KNL1: variants seen among roughly 807,000 people sequenced by gnomAD.
The protein encoded by KNL1 is outer kinetochore KNL1 complex subunit KNL1.
A neutral mutation model predicts 201.3 loss-of-function variants in KNL1; 66 were observed. The observed-to-expected ratio is 0.33, with a 90% CI of 0.27 to 0.40. The LOEUF is 0.40. Among genes scored for constraint, KNL1 ranks in the 10% least tolerant of loss-of-function variants. The pLI is 1.00. For synonymous variants in KNL1, 895 were observed against 899.2 expected (o/e 1.00, Z 0.08); for missense variants, 2,815 against 2,690.5 (o/e 1.05, Z -1.02).
chr15:40,654,853 AGT>A, intron 21 of KNL1, 54 bp from the exon 22 acceptor site: 1 of 1,335,090 alleles, frequency 7.5e-7, no homozygotes, highest in Non-Finnish European at 1.1e-6. Flanking sequence ...TGGGAGACAA[AGT>A]GAGACTCTCT....
chr15:40,651,652 AT>A, intron 20 of KNL1, 80 bp downstream of exon 20: 1 of 953,520 alleles, frequency 1.0e-6, no homozygotes, highest in Non-Finnish European at 1.6e-6. Flanking sequence ...CAATTGATGT[AT>A]TTTTAATGTG....
intron 14 of KNL1, 37 bp downstream of exon 14, chr15:40,641,064 G>T (rs200845429): frequency 2.5e-5 from 34 of 1,351,998 alleles, no homozygotes; most frequent in Non-Finnish European, 3.2e-5. Flanking sequence ...GTTTTTTTGA[G>T]GGGAGGGATC....
intron 4 of KNL1, among the ~76,000 whole-genome samples, chr15:40,608,435 A>G (rs1256691579): frequency 5.2e-5 from 7 of 135,198 alleles, no homozygotes; most frequent in African/African-American, 2.3e-4. Flanking sequence ...CCGTCTTGGA[A>G]AAAAAAAAAA....
chr15:40,612,075 A>C (rs1032579683), intron 7 of KNL1, among the ~76,000 whole-genome samples: 2 of 152,000 alleles, frequency 1.3e-5, no homozygotes, highest in Non-Finnish European at 2.9e-5. Flanking sequence ...CCAAGCACTT[A>C]GGGAGGCTGA....
chr15:40,607,198 CCTTT>C (rs1892004427), intron 4 of KNL1, among the ~76,000 whole-genome samples: 1 of 152,206 alleles, frequency 6.6e-6, no homozygotes, highest in Non-Finnish European at 1.5e-5. Flanking sequence ...TCGTGCTGGG[CCTTT>C]CTTTTTTCAT....
At chr15:40,598,452 G>T (rs759049771) in intron 1 of KNL1, among the ~76,000 whole-genome samples, 2 of 152,040 alleles carry the variant, frequency 1.3e-5, no homozygotes, top group African/African-American at 2.4e-5. Context: ...GCAGGTGCCT[G>T]TAACCCCAGC....
Position 40,659,366 on chromosome 15 carries a change from A to C in KNL1, c.6741A>C (p.Ala2247=). ...NELRLLFSSS[A]AFAKFEITLF... ...TGAGACTTTTATTCTCTAGCTCCGCAGCATTTGCAAAGTTTGAAATAACTT... is the reference window on the plus strand; with the variant it reads ...TGAGACTTTTATTCTCTAGCTCCGCCGCATTTGCAAAGTTTGAAATAACTT... The change falls in exon 25 of 26, where the codon GCA becomes GCC. Residue 2247 remains alanine, a synonymous_variant. Coordinates refer to ENST00000399668, the MANE Select transcript of KNL1 (RefSeq NM_144508.5). 1 of 1,613,090 alleles carries C rather than the reference A, an allele frequency of 6.2e-7. No individual in the cohort carries two copies. Among genetic ancestry groups the C allele is most frequent in the Non-Finnish European group, 8.5e-7 (1 of 1,179,148 alleles).
rs535973831 is a variant in KNL1, at chr15:40,621,941, G to C, written c.1677G>C (p.Leu559Phe). 166 of 1,613,592 alleles carry C rather than the reference G, an allele frequency of 1.0e-4. 3 individuals are homozygous for C. In the South Asian group the frequency reaches 1.7e-3, roughly 16 times the overall value. The change falls in exon 10 of 26, where the codon TTG (leucine) becomes TTC (phenylalanine). Residue 559 changes from leucine (L) to phenylalanine (F), a missense_variant. Around this residue, in one of 3 missense-constraint regions of KNL1, gnomAD observed 2,464 missense variants for 2,291.7 expected, o/e 1.08. Transcript: ENST00000399668. Reference protein sequence around the residue: ...QSLSNPLSISLTDRKTELLSG... With the variant: ...QSLSNPLSISFTDRKTELLSG... Reference sequence around the variant, plus strand: ...TGTCAAATCCTTTGTCTATTTCATTGACTGATAGAAAGACTGAACTCTTAT... The same window carrying C: ...TGTCAAATCCTTTGTCTATTTCATTCACTGATAGAAAGACTGAACTCTTAT...
intron 9 of KNL1, 46 bp downstream of exon 9, chr15:40,619,057 G>T: frequency 1.6e-6 from 2 of 1,256,676 alleles, no homozygotes; most frequent in Non-Finnish European, 1.2e-6. Context: ...TCATTTGATT[G>T]TTAAAACAGA....
Position 40,624,712 on chromosome 15 carries a change from C to A in KNL1, c.4448C>A (p.Ala1483Glu), listed in dbSNP as rs1892679369. The A allele has an allele frequency of 6.2e-7, 1 of 1,613,078 alleles. No homozygotes were observed. The highest frequency in any genetic ancestry group is 1.7e-5 in the Admixed American group (1 of 59,838). The change falls in exon 10 of 26, where the codon GCA (alanine) becomes GAA (glutamate). Residue 1483 changes from alanine (A) to glutamate (E), a missense_variant. Ala to Glu is a moderately radical substitution (Grantham distance 107, BLOSUM62 -1). Around this residue, in one of 3 missense-constraint regions of KNL1, gnomAD observed 2,464 missense variants for 2,291.7 expected, o/e 1.08. Transcript: ENST00000399668. ...TTAAATATTATAGAAAATTCCTCTGCACCCATATGTGAAAACAAGCCCAAA... is the reference window on the plus strand; with the variant it reads ...TTAAATATTATAGAAAATTCCTCTGAACCCATATGTGAAAACAAGCCCAAA... ...KSLNIIENSS[A>E]PICENKPKIL...
At chr15:40,599,330 AGTTTT>A (rs1267152698) in intron 1 of KNL1, among the ~76,000 whole-genome samples, 3 of 148,280 alleles carry the variant, frequency 2.0e-5, no homozygotes, top group Non-Finnish European at 4.5e-5. Context: ...AAAAAAAAAA[AGTTTT>A]GTTTTGTTTT....
At position 40,622,004 on chromosome 15, in the gene KNL1, T is replaced by C. The variant is rs778314757; in HGVS notation, c.1740T>C (p.Ser580=). Residue 580 remains serine (S), a synonymous_variant, in exon 10 of 26, where the codon AGT becomes AGC. Coordinates refer to ENST00000399668, the MANE Select transcript of KNL1 (RefSeq NM_144508.5). ...ENMDLTESHT[S]NLGSQVPLAA... ...TGGATTTGACTGAAAGTCACACAAG[T>C]AACTTAGGAAGTCAGGTTCCTCTTG... 6.2e-7 allele frequency: 1 copy of C among 1,614,066 alleles called. No individual in the cohort carries two copies.
intron 17 of KNL1, among the ~76,000 whole-genome samples, chr15:40,649,767 T>A (rs751326079): frequency 2.0e-5 from 3 of 152,198 alleles, no homozygotes; most frequent in Non-Finnish European, 2.9e-5. Flanking sequence ...ACTAGCCTGA[T>A]CATTTCTACT....
At chr15:40,644,914 C>T (rs576913455) in intron 14 of KNL1, 83 bp from the exon 15 acceptor site, 28 of 780,966 alleles carry the variant, frequency 3.6e-5, no homozygotes, top group African/African-American at 1.2e-4. Flanking sequence ...GAGTCTCTTA[C>T]GTCTTTCCTT....
chr15:40,639,102 T>C (rs1231962050), intron 13 of KNL1, among the ~76,000 whole-genome samples: 1 of 152,000 alleles, frequency 6.6e-6, no homozygotes, highest in African/African-American at 2.4e-5. Context: ...CTGCCATTTC[T>C]TTTTTAACCA....
chr15:40,610,779 T>A (rs1892128846), intron 6 of KNL1: 1 of 455,504 alleles, frequency 2.2e-6, no homozygotes, highest in African/African-American at 2.0e-5. Flanking sequence ...TTGAGACGGA[T>A]TTTCACTGTT....
intron 2 of KNL1, among the ~76,000 whole-genome samples, chr15:40,603,394 A>G (rs1236570137): frequency 6.6e-6 from 1 of 152,178 alleles, no homozygotes; most frequent in Non-Finnish European, 1.5e-5. Flanking sequence ...AGCTTCATCC[A>G]TGTCCCTACA....
chr15:40,629,495 CTTTTTT>C (rs386382806), intron 13 of KNL1, 124 bp downstream of exon 13: 11 of 178,744 alleles, frequency 6.2e-5, no homozygotes, highest in South Asian at 1.2e-4. Context: ...TTTGCCTTTT[CTTTTTT>C]TTTTTTTTTT....
rs1892806280 is a variant in KNL1, at chr15:40,628,151, A to C, written c.5458A>C (p.Ser1820Arg). 6.2e-7 allele frequency: 1 copy of C among 1,613,306 alleles called. No individual in the cohort carries two copies. Among genetic ancestry groups the C allele is most frequent in the Admixed American group, 1.7e-5 (1 of 59,840 alleles). The change falls in exon 11 of 26, where the codon AGT becomes CGT. Residue 1820 changes from serine to arginine, a missense_variant. Transcript: ENST00000399668. ...AAAAAACCTGAGCAGGACCCCATCT[A>C]GTTGCAGCAGCTCTCTGGATTCAAT... ...LIKNLSRTPSSCSSSLDSIKA... is the reference protein window; with the variant it reads ...LIKNLSRTPSRCSSSLDSIKA...
Sources: gnomAD v4.1 joint callset for allele counts (sites outside exome capture counted in the v4.1 genomes callset) on GRCh38, gnomAD v4.1.1 for gene constraint, gnomAD v4.1.1 regional missense constraint, MANE v1.5 for transcripts, NCBI Gene and HGNC (gene_info 2026-07-23, HGNC 2026-07-21) for gene names.